The following ENKUR variants were observed in gnomAD, a reference collection of about 807,000 sequenced individuals.
ENKUR encodes the protein enkurin, TRPC channel interacting protein, also known as enkurin.
ENKUR carries 19 observed loss-of-function variants against 27.6 expected under a neutral mutation model. The observed-to-expected ratio is 0.69, with a 90% CI of 0.48 to 1.01. The LOEUF is 1.01. Ranked by LOEUF, ENKUR falls within the 50% of genes least tolerant of loss-of-function variation. The pLI is 0.00. For missense variants in ENKUR, 312 were observed against 310.5 expected (o/e 1.00, Z -0.04); for synonymous variants, 117 against 96.9 (o/e 1.21, Z -1.22).
chr10:25,056,506 G>C (rs1405239545), intron 2 of ENKUR, among the ~76,000 whole-genome samples: 1 of 152,120 alleles, frequency 6.6e-6, no homozygotes, highest in South Asian at 2.1e-4. Context: ...GGAATCATTT[G>C]GTAAAGAGAA....
At chr10:25,035,519 C>G (rs1022367404) in intron 2 of ENKUR, among the ~76,000 whole-genome samples, 1 of 151,352 alleles carries the variant, frequency 6.6e-6, no homozygotes, top group East Asian at 1.9e-4. Flanking sequence ...TGCACCATTG[C>G]ACTCCAGCCT....
At chr10:24,985,553 T>G (rs916705136) in intron 4 of ENKUR, among the ~76,000 whole-genome samples, 4 of 152,226 alleles carry the variant, frequency 2.6e-5, no homozygotes, top group African/African-American at 9.6e-5. Flanking sequence ...GTAACACACA[T>G]GCTAATTCAA....
Position 25,013,427 on chromosome 10 carries a change from C to T in ENKUR, c.77+2433G>A, listed in dbSNP as rs74122926. ...TAATTAGAGGATGGGAGAGACCAAC[C>T]TTAGTCAAAATCCATACAGGGTATT... On this transcript the variant is annotated intron_variant, in intron 1 of 5. Coordinates refer to ENST00000331161, the MANE Select transcript of ENKUR (RefSeq NM_145010.4). Among the ~76,000 whole-genome samples, 1,339 of 152,286 alleles carry T rather than the reference C, an allele frequency of 8.8e-3. 19 individuals are homozygous for T. The highest frequency in any genetic ancestry group is 0.03 in the African/African-American group (1,252 of 41,554).
At chr10:25,058,532 A>AATTGGTTCTC (rs1851286335) in intron 2 of ENKUR, among the ~76,000 whole-genome samples, 1 of 152,124 alleles carries the variant, frequency 6.6e-6, no homozygotes, top group Admixed American at 6.5e-5. Flanking sequence ...ATAGAGCAAA[A>AATTGGTTCTC]ATTGGTTCTC....
chr10:25,023,411 C>T lies in ENKUR; in HGVS notation c.38-27542G>A, dbSNP rs1390783709. 9.9e-6 allele frequency: 16 copies of T among 1,614,142 alleles called. No individual in the cohort carries two copies. The South Asian group carries it at 1.6e-4, about 17-fold the overall frequency. Reference sequence around the variant, plus strand: ...GACAAAAATATTATCCTGATGGGACCTCCTGGTGCTGGGAAAACAACAGTA... The same window carrying T: ...GACAAAAATATTATCCTGATGGGACTTCCTGGTGCTGGGAAAACAACAGTA... On this transcript the variant is annotated intron_variant, in intron 2 of 5. Coordinates refer to the ENKUR transcript ENST00000615958.
intron 2 of ENKUR, chr10:25,024,398 G>C: frequency 6.2e-7 from 1 of 1,613,814 alleles, no homozygotes; most frequent in South Asian, 1.1e-5. Context: ...GGTTTTAGTC[G>C]TCTAAATAAG....
chr10:24,988,236 A>ATATATATATATATATGTG (rs1320675770), intron 4 of ENKUR, among the ~76,000 whole-genome samples: 47 of 143,430 alleles, frequency 3.3e-4, no homozygotes, highest in African/African-American at 1.2e-3. Context: ...AAAAAAATGT[A>ATATATATATATATATGTG]TATATATATA....
At chr10:25,039,556 G>A (rs963011669) in intron 2 of ENKUR, among the ~76,000 whole-genome samples, 2 of 152,136 alleles carry the variant, frequency 1.3e-5, no homozygotes, top group African/African-American at 4.8e-5. Context: ...TTCCAACCTG[G>A]GGGACAGAGT....
upstream of ENKUR, among the ~76,000 whole-genome samples, chr10:25,020,016 A>G (rs1457064339): frequency 1.3e-5 from 2 of 152,194 alleles, no homozygotes; most frequent in East Asian, 3.9e-4. Flanking sequence ...TCTTTTCCTC[A>G]TTTGGTTGGT....
chr10:24,988,714 A>ATATATATATATATATATATATATATATG (rs1849854981), intron 4 of ENKUR, among the ~76,000 whole-genome samples: 1 of 100,764 alleles, frequency 9.9e-6, no homozygotes, highest in Non-Finnish European at 2.2e-5. Flanking sequence ...ATATATATAT[A>ATATATATATATATATATATATATATATG]TATATATATA....
intron 2 of ENKUR, among the ~76,000 whole-genome samples, chr10:25,055,562 A>T (rs1851246137): frequency 6.6e-6 from 1 of 151,974 alleles, no homozygotes; most frequent in Non-Finnish European, 1.5e-5. Flanking sequence ...AAAAAAAAAA[A>T]AAAAAGGGAC....
At chr10:25,008,111 T>A (rs1850357878) in intron 1 of ENKUR, among the ~76,000 whole-genome samples, 1 of 151,650 alleles carries the variant, frequency 6.6e-6, no homozygotes, top group Non-Finnish European at 1.5e-5. Context: ...CCTAGCCAGA[T>A]GAAAAATACA....
In ENKUR at chr10:24,984,750, A is replaced by C. The variant is rs777145614; in HGVS notation, c.750T>G (p.Ile250Met). 3 of 1,609,974 alleles carry C rather than the reference A, an allele frequency of 1.9e-6. No homozygotes were observed. The highest frequency in any genetic ancestry group is 4.5e-5 in the East Asian group (2 of 44,814). Residue 250 changes from isoleucine to methionine, a missense_variant, in exon 5 of 6, where the codon ATT becomes ATG. Physicochemically the swap from Ile to Met is conservative, Grantham distance 10. Coordinates refer to ENST00000331161, the MANE Select transcript of ENKUR (RefSeq NM_145010.4). ...TCCATTCTTACTTATTGGCAATATA[A>C]ATAATCTTGTGCTTTTCAATTATGC... ...DIGIIEKHKIIYIANNA is the reference protein window; with the variant it reads ...DIGIIEKHKIMYIANNA
intron 2 of ENKUR, among the ~76,000 whole-genome samples, chr10:25,037,721 T>C (rs1325723000): frequency 1.3e-5 from 2 of 152,140 alleles, no homozygotes; most frequent in Admixed American, 6.5e-5. Flanking sequence ...CTAGATGACC[T>C]CCTAGATCCT....
chr10:25,011,605 C>T (rs940018423), intron 1 of ENKUR, among the ~76,000 whole-genome samples: 7 of 152,158 alleles, frequency 4.6e-5, no homozygotes, highest in African/African-American at 1.2e-4. Context: ...AAGACTTAAA[C>T]GTTAGACCTG....
At chr10:25,033,187 G>A (rs113496056) in intron 2 of ENKUR, among the ~76,000 whole-genome samples, 2,026 of 152,024 alleles carry the variant, frequency 0.013, 56 homozygotes, top group African/African-American at 0.046. Context: ...TGGGAGGAGA[G>A]CTTGAGGCCA....
At chr10:25,029,481 A>T (rs1850909474) in intron 2 of ENKUR, among the ~76,000 whole-genome samples, 1 of 152,148 alleles carries the variant, frequency 6.6e-6, no homozygotes, top group Non-Finnish European at 1.5e-5. Context: ...ATAATCATGG[A>T]TGGCAAATAT....
At chr10:25,000,407 G>T (rs2132697454) in intron 1 of ENKUR, among the ~76,000 whole-genome samples, 1 of 152,236 alleles carries the variant, frequency 6.6e-6, no homozygotes, top group South Asian at 2.1e-4. Flanking sequence ...TTGAAAGAGA[G>T]ATGTTAAGGT....
chr10:25,052,547 G>T (rs952510724), intron 2 of ENKUR, among the ~76,000 whole-genome samples: 2 of 152,090 alleles, frequency 1.3e-5, no homozygotes, highest in Admixed American at 1.3e-4. Context: ...TGGGAGAATC[G>T]CTTGAAGCCA....
Sources: gnomAD v4.1 joint callset for allele counts (sites outside exome capture counted in the v4.1 genomes callset) on GRCh38, gnomAD v4.1.1 for gene constraint, MANE v1.5 for transcripts, NCBI Gene and HGNC (gene_info 2026-07-23, HGNC 2026-07-21) for gene names.